Variants in MGAT5 observed in about 807,000 individuals in gnomAD.
The protein encoded by MGAT5 is alpha-1,6-mannosylglycoprotein 6-beta-N-acetylglucosaminyltransferase A.
A neutral mutation model predicts 94.3 loss-of-function variants in MGAT5; 30 were observed. The ratio of observed to expected loss-of-function variants is 0.32; its 90% CI spans 0.24 to 0.43. MGAT5 has a LOEUF of 0.43. Among genes scored for constraint, MGAT5 ranks in the 20% least tolerant of loss-of-function variants. MGAT5 has a pLI of 1.00. For missense variants in MGAT5, 691 were observed against 905.5 expected (o/e 0.76, Z 3.04); for synonymous variants, 310 against 322.9 (o/e 0.96, Z 0.43).
At chr2:134,137,976 G>A (rs1305828688) in intron 1 of MGAT5, among the ~76,000 whole-genome samples, 3 of 151,022 alleles carry the variant, frequency 2.0e-5, no homozygotes, top group African/African-American at 7.3e-5. Context: ...AAGATTGTTG[G>A]CACAATTAGG....
At chr2:134,319,866 T>A (rs1212119203) in intron 4 of MGAT5, 3 of 255,256 alleles carry the variant, frequency 1.2e-5, no homozygotes, top group African/African-American at 2.3e-5. Flanking sequence ...GTATGCTCAA[T>A]TTGGTAACCT....
chr2:134,212,904 A>G (rs1298587697), intron 1 of MGAT5, among the ~76,000 whole-genome samples: 2 of 152,192 alleles, frequency 1.3e-5, no homozygotes, highest in Non-Finnish European at 2.9e-5. Flanking sequence ...CTCCTGAGTG[A>G]TGGCGTAAGT....
intron 9 of MGAT5, among the ~76,000 whole-genome samples, chr2:134,353,533 T>G (rs1679529822): frequency 6.6e-6 from 1 of 152,216 alleles, no homozygotes; most frequent in Non-Finnish European, 1.5e-5. Flanking sequence ...GGATACTACC[T>G]CATTACTGTA....
intron 1 of MGAT5, among the ~76,000 whole-genome samples, chr2:134,191,421 C>A (rs888311102): frequency 3.9e-5 from 6 of 152,140 alleles, no homozygotes; most frequent in African/African-American, 1.4e-4. Context: ...CGCGGGAGCG[C>A]GTTCCTGATG....
intron 2 of MGAT5, among the ~76,000 whole-genome samples, chr2:134,289,847 G>A (rs777895360): frequency 4.6e-5 from 7 of 152,296 alleles, no homozygotes; most frequent in African/African-American, 1.2e-4. Flanking sequence ...ATATGACTCC[G>A]CTGGGAGAGG....
At chr2:134,245,742 GGCAGGAAGAAGAGT>G (rs1024125421) in intron 1 of MGAT5, among the ~76,000 whole-genome samples, 13 of 152,280 alleles carry the variant, frequency 8.5e-5, no homozygotes, top group Admixed American at 6.5e-4. Flanking sequence ...GAATAGAGAG[GGCAGGAAGAAGAGT>G]GCATGTTCTG....
At chr2:134,418,568 G>A (rs907509850) in intron 12 of MGAT5, among the ~76,000 whole-genome samples, 3 of 152,166 alleles carry the variant, frequency 2.0e-5, no homozygotes, top group Non-Finnish European at 4.4e-5. Flanking sequence ...TGTTTTCCAG[G>A]AGCTCCAAAT....
chr2:134,350,437 CA>C (rs1558814905), intron 9 of MGAT5, among the ~76,000 whole-genome samples: 1 of 152,012 alleles, frequency 6.6e-6, no homozygotes, highest in Non-Finnish European at 1.5e-5. Flanking sequence ...TGATTTTTTT[CA>C]ATCCTAGGCC....
chr2:134,160,660 T>C (rs1266261161), intron 1 of MGAT5, among the ~76,000 whole-genome samples: 1 of 152,224 alleles, frequency 6.6e-6, no homozygotes, highest in Admixed American at 6.5e-5. Context: ...TTCTAGGGGT[T>C]AGCAAAAGGA....
At chr2:134,131,791 A>G (rs1686187620) in intron 1 of MGAT5, among the ~76,000 whole-genome samples, 1 of 152,052 alleles carries the variant, frequency 6.6e-6, no homozygotes, top group Non-Finnish European at 1.5e-5. Flanking sequence ...AGAGTTGTAA[A>G]AAGAGGCTGT....
At chr2:134,376,038 T>G (rs561220488) in intron 10 of MGAT5, among the ~76,000 whole-genome samples, 3 of 152,278 alleles carry the variant, frequency 2.0e-5, no homozygotes, top group African/African-American at 7.2e-5. Context: ...GCCCTGTTGA[T>G]CCAGACCAGT....
intron 2 of MGAT5, among the ~76,000 whole-genome samples, chr2:134,286,655 G>A (rs1044003476): frequency 6.6e-6 from 1 of 152,002 alleles, no homozygotes; most frequent in African/African-American, 2.4e-5. Context: ...CCTGACCTCA[G>A]GTGATCTGCC....
At chr2:134,404,943 A>T (rs1475807509) in intron 11 of MGAT5, among the ~76,000 whole-genome samples, 1 of 152,138 alleles carries the variant, frequency 6.6e-6, no homozygotes, top group Non-Finnish European at 1.5e-5. Context: ...CATTTGCCTC[A>T]TTTTACTTTT....
At chr2:134,351,375 T>C (rs1679370145) in intron 9 of MGAT5, among the ~76,000 whole-genome samples, 1 of 152,124 alleles carries the variant, frequency 6.6e-6, no homozygotes, top group Non-Finnish European at 1.5e-5. Flanking sequence ...TTAAACCAAG[T>C]GAAATAAAAC....
At chr2:134,342,389 A>G (rs543295088) in intron 7 of MGAT5, among the ~76,000 whole-genome samples, 1 of 152,282 alleles carries the variant, frequency 6.6e-6, no homozygotes, top group East Asian at 1.9e-4. Flanking sequence ...CCCACCCAAC[A>G]GTCAAGTTGC....
chr2:134,446,644 A>G (rs1685794200), intron 15 of MGAT5, among the ~76,000 whole-genome samples: 1 of 152,136 alleles, frequency 6.6e-6, no homozygotes. Context: ...TTCATGATTC[A>G]TGACCTTAAC....
At chr2:134,204,138 T>C (rs923206106) in intron 1 of MGAT5, among the ~76,000 whole-genome samples, 1 of 152,208 alleles carries the variant, frequency 6.6e-6, no homozygotes, top group Non-Finnish European at 1.5e-5. Context: ...CCTCCTAATC[T>C]TCATTCTTAT....
intron 4 of MGAT5, among the ~76,000 whole-genome samples, chr2:134,322,298 A>G (rs576845753): frequency 6.6e-6 from 1 of 152,300 alleles, no homozygotes; most frequent in East Asian, 1.9e-4. Flanking sequence ...CTCATTTACC[A>G]GTGTAATGCA....
rs1469803993 is a variant in MGAT5 at position 134,209,154 on chromosome 2, T to A, written c.-142-45108T>A. 5.4e-4 allele frequency among the ~76,000 whole-genome samples: 10 copies of A among 18,604 alleles called. 2 individuals carry two copies. The highest frequency in any genetic ancestry group is 7.1e-3 in the East Asian group (1 of 140). The allele number at this position is 18,604 out of a possible 152,430, so 12.2% of individuals were successfully genotyped here. A position where few individuals can be genotyped will look rare whatever the true frequency, so the allele number is the denominator to read the frequency against. ...TAGAACTGGCTTATTTTTTTTTTATTTTTTTTTTTTTTTTTATTTTTTTTT... is the reference window on the plus strand; with the variant it reads ...TAGAACTGGCTTATTTTTTTTTTATATTTTTTTTTTTTTTTATTTTTTTTT... On this transcript the variant is annotated intron_variant, in intron 1 of 16. Transcript: ENST00000409645.
Sources: allele counts gnomAD v4.1 joint callset (sites outside exome capture counted in the v4.1 genomes callset), GRCh38; gene constraint gnomAD v4.1.1; transcripts MANE v1.5; gene names NCBI Gene and HGNC (gene_info 2026-07-23, HGNC 2026-07-21).